PCDH19: variants seen among roughly 807,000 people sequenced by gnomAD.
PCDH19 encodes the protein protocadherin 19.
Under a neutral mutation model 46.2 loss-of-function variants are expected in PCDH19, and 6 were observed. The observed-to-expected ratio is 0.13, with a 90% CI of 0.07 to 0.26. The LOEUF (loss-of-function observed/expected upper bound fraction) is 0.26, where lower values mean the gene tolerates loss of function less well. Ranked by LOEUF, PCDH19 falls within the 10% of genes least tolerant of loss-of-function variation. The probability of loss-of-function intolerance (pLI) is 1.00; values close to 1 mark genes in which losing one functional copy is unlikely to be tolerated. For missense variants in PCDH19, 740 were observed against 972.3 expected (o/e 0.76, Z 3.18); for synonymous variants, 481 against 415.7 (o/e 1.16, Z -1.91).
chrX:100,382,227 C>G (rs764564139), intron 3 of PCDH19, among the ~76,000 whole-genome samples: 1 of 111,224 alleles, frequency 9.0e-6, no homozygotes, highest in South Asian at 3.8e-4. Flanking sequence ...TGTTCTCCCC[C>G]TCCCCAAGCC....
chrX:100,375,753 C>A (rs149373449), intron 3 of PCDH19, among the ~76,000 whole-genome samples: 73 of 112,051 alleles, frequency 6.5e-4, no homozygotes, highest in African/African-American at 2.4e-3. Flanking sequence ...ACCTCCCTGA[C>A]TACTGGTGAT....
chrX:100,403,757 T>C lies in PCDH19; in HGVS notation c.2148-93A>G, dbSNP rs1928266269. On this transcript the variant is annotated intron_variant, in intron 1 of 5. Transcript: ENST00000373034. ...GTGCTGCAACTGGAACATAAAGAGC[T>C]CAATTTAATTAACACTGACACAGAC... is the stretch of plus-strand genomic sequence containing the variant. 3.9e-6 allele frequency: 3 copies of C among 776,571 alleles called. No homozygotes were observed. In the East Asian group the frequency reaches 1.1e-4, roughly 27 times the overall value. 64.0% of individuals were successfully genotyped at this position (776,571 alleles called of 1,213,427 possible). A position where few individuals can be genotyped will look rare whatever the true frequency, so the allele number is the denominator to read the frequency against.
chrX:100,326,834 C>G (rs988278660), intron 5 of PCDH19, among the ~76,000 whole-genome samples: 5 of 111,344 alleles, frequency 4.5e-5, no homozygotes, highest in African/African-American at 1.6e-4. Context: ...TCTTTGGACA[C>G]CAATAGCTCT....
intron 5 of PCDH19, among the ~76,000 whole-genome samples, chrX:100,333,162 GAAGGAAGGAA>G (rs1382146743): frequency 2.2e-5 from 1 of 46,032 alleles, no homozygotes; most frequent in Non-Finnish European, 4.6e-5. Flanking sequence ...AGGAAGGAAG[GAAGGAAGGAA>G]GGGAGAGAGA....
intron 5 of PCDH19, among the ~76,000 whole-genome samples, chrX:100,321,654 T>G (rs1227909375): frequency 9.1e-6 from 1 of 110,453 alleles, no homozygotes; most frequent in African/African-American, 3.3e-5. Flanking sequence ...GAGTTCGTTG[T>G]AGATTCTGGA....
chrX:100,331,291 G>A (rs779057800), intron 5 of PCDH19, among the ~76,000 whole-genome samples: 16 of 111,953 alleles, frequency 1.4e-4, no homozygotes, highest in Non-Finnish European at 2.8e-4. Flanking sequence ...AAACTATGAG[G>A]AACTGCTTTA....
At chrX:100,367,677 A>C (rs1027269299) in intron 3 of PCDH19, among the ~76,000 whole-genome samples, 2 of 111,516 alleles carry the variant, frequency 1.8e-5, no homozygotes, top group African/African-American at 6.5e-5. Context: ...AACCCTCATG[A>C]CTTAATCACC....
intron 3 of PCDH19, among the ~76,000 whole-genome samples, chrX:100,369,019 T>A (rs1002607158): frequency 8.9e-5 from 10 of 112,111 alleles, no homozygotes; most frequent in Non-Finnish European, 1.3e-4. Flanking sequence ...AACCATATTA[T>A]AAAATTTGCC....
intron 5 of PCDH19, among the ~76,000 whole-genome samples, chrX:100,304,707 AATAG>A (rs1415760782): frequency 1.8e-5 from 2 of 111,998 alleles, no homozygotes; most frequent in Non-Finnish European, 3.8e-5. Context: ...TCTTCAGGGA[AATAG>A]ATAGCATAAA....
rs1238011122 is a variant in PCDH19 at position 100,408,211 on chromosome X, G to A, written c.387C>T (p.Phe129=). The change falls in exon 1 of 6, where the codon TTC becomes TTT. Residue 129 remains phenylalanine (F), a synonymous_variant. Transcript: ENST00000373034. ...IKDLNDNAPS[F]PAAQIELEIS... ...TCTCCAGCTCGATCTGTGCTGCCGG[G>A]AAACTGGGCGCATTGTCGTTCAGGT... is the stretch of plus-strand genomic sequence containing the variant. 1 of 1,210,696 alleles carries A rather than the reference G, an allele frequency of 8.3e-7. No homozygotes were observed. Among genetic ancestry groups the A allele is most frequent in the East Asian group, 3.0e-5 (1 of 33,758 alleles).
chrX:100,365,375 A>G (rs1414067348), intron 3 of PCDH19, among the ~76,000 whole-genome samples: 5 of 111,673 alleles, frequency 4.5e-5, no homozygotes, highest in South Asian at 3.7e-4. Flanking sequence ...TGGAAGCCCA[A>G]TTGGCTCACT....
intron 5 of PCDH19, among the ~76,000 whole-genome samples, chrX:100,322,865 A>ATATATATTTTTTTTTT: frequency 2.9e-4 from 16 of 54,396 alleles, no homozygotes; most frequent in Non-Finnish European, 4.6e-4. Flanking sequence ...ATATATATAT[A>ATATATATTTTTTTTTT]TTTTTGCAGC....
chrX:100,365,147 C>A (rs1246326902), intron 3 of PCDH19, among the ~76,000 whole-genome samples: 1 of 111,205 alleles, frequency 9.0e-6, no homozygotes, highest in Non-Finnish European at 1.9e-5. Context: ...TTTTACAAAG[C>A]CTTGACCTAT....
rs1924566751 is a variant in PCDH19, at chrX:100,295,494, C to A, written c.*783G>T. The A allele has an allele frequency of 1.8e-5, 2 of 112,222 alleles. No individual in the cohort carries two copies. The highest frequency in any genetic ancestry group is 6.5e-5 in the African/African-American group (2 of 30,860). The allele number at this position is 112,222 out of a possible 1,213,427, so 9.2% of individuals were successfully genotyped here. ...AATACTTTGCAAAGTGGTGAGCAATCACTACATGAGTTAAAAAACGTGAGT... is the reference window on the plus strand; with the variant it reads ...AATACTTTGCAAAGTGGTGAGCAATAACTACATGAGTTAAAAAACGTGAGT... On this transcript the variant is annotated 3_prime_UTR_variant, in exon 6 of 6. Transcript: ENST00000373034.
intron 3 of PCDH19, among the ~76,000 whole-genome samples, chrX:100,351,874 T>C (rs1210366627): frequency 8.9e-6 from 1 of 111,787 alleles, no homozygotes; most frequent in Non-Finnish European, 1.9e-5. Flanking sequence ...GAACAGGCAA[T>C]AGCAGATCCA....
chrX:100,312,682 G>C (rs1050699688), intron 5 of PCDH19, among the ~76,000 whole-genome samples: 10 of 111,328 alleles, frequency 9.0e-5, no homozygotes, highest in African/African-American at 3.3e-4. Flanking sequence ...AAGAAGAAAA[G>C]ATTCTTTACA....
At chrX:100,393,072 T>G (rs1425101602) in intron 3 of PCDH19, among the ~76,000 whole-genome samples, 2 of 111,437 alleles carry the variant, frequency 1.8e-5, no homozygotes, top group Non-Finnish European at 3.8e-5. Flanking sequence ...GAAAATAATT[T>G]CTAATAAATT....
rs750370287 is a variant in PCDH19, at chrX:100,377,191, A to G, written c.2616+25333T>C. On this transcript the variant is annotated intron_variant, in intron 3 of 5. Coordinates refer to ENST00000373034, the MANE Select transcript of PCDH19 (RefSeq NM_001184880.2). ...GGCAGGGCTGTTAAAAGAGTTTGTTAAGAGACCTAAGAGTTTTCTACCAAC... is the reference window on the plus strand; with the variant it reads ...GGCAGGGCTGTTAAAAGAGTTTGTTGAGAGACCTAAGAGTTTTCTACCAAC... Among the ~76,000 whole-genome samples the G allele has an allele frequency of 5.4e-5, 6 of 111,990 alleles. No homozygotes were observed. The East Asian group carries it at 1.7e-3, about 31-fold the overall frequency.
At chrX:100,372,483 A>T (rs1166006135) in intron 3 of PCDH19, among the ~76,000 whole-genome samples, 1 of 112,411 alleles carries the variant, frequency 8.9e-6, no homozygotes, top group Non-Finnish European at 1.9e-5. Context: ...ATGAGATTCC[A>T]GTATGACATG....
Sources: gnomAD v4.1 joint callset for allele counts (sites outside exome capture counted in the v4.1 genomes callset) on GRCh38, gnomAD v4.1.1 for gene constraint, MANE v1.5 for transcripts, NCBI Gene and HGNC (gene_info 2026-07-23, HGNC 2026-07-21) for gene names.